NUP54: variants seen among roughly 807,000 people sequenced by gnomAD.
NUP54 encodes nucleoporin 54, also known as nucleoporin p54.
Under a neutral mutation model 66.4 loss-of-function variants are expected in NUP54, and 27 were observed. The observed-to-expected ratio is 0.41, with a 90% CI of 0.30 to 0.56. The LOEUF (loss-of-function observed/expected upper bound fraction) is 0.56, where lower values mean the gene tolerates loss of function less well. Ranked by LOEUF, NUP54 falls within the 20% of genes least tolerant of loss-of-function variation. NUP54 has a pLI of 0.34. For synonymous variants in NUP54, 206 were observed against 210.7 expected (o/e 0.98, Z 0.19); for missense variants, 486 against 596.3 (o/e 0.82, Z 1.93).
chr4:76,144,322 T>TA (rs1731392281), intron 2 of NUP54, 30 bp from the exon 3 acceptor site: 1 of 1,535,552 alleles, frequency 6.5e-7, no homozygotes, highest in Admixed American at 2.2e-5. Flanking sequence ...ACTTCGTAAG[T>TA]TAAAAAAAAA....
At chr4:76,118,031 C>T in intron 10 of NUP54, 44 bp downstream of exon 10, 1 of 1,594,944 alleles carries the variant, frequency 6.3e-7, no homozygotes, top group African/African-American at 1.3e-5. Flanking sequence ...GTCTGCAGAT[C>T]CACCTGAAAC....
chr4:76,147,817 A>T (rs1429558051), intron 1 of NUP54: 1 of 374,196 alleles, frequency 2.7e-6, no homozygotes, highest in East Asian at 7.3e-5. Flanking sequence ...AGATGGAAGA[A>T]GCATGACGGA....
chr4:76,118,342 C>A, intron 9 of NUP54, 148 bp from the exon 10 acceptor site: 1 of 690,834 alleles, frequency 1.4e-6, no homozygotes, highest in East Asian at 2.7e-5. Context: ...ATGTTTCTGT[C>A]CATTTTAACT....
At chr4:76,123,922 G>A (rs1730348091) in intron 9 of NUP54, among the ~76,000 whole-genome samples, 1 of 152,200 alleles carries the variant, frequency 6.6e-6, no homozygotes, top group Non-Finnish European at 1.5e-5. Context: ...CTGATGAGAT[G>A]CTTAGTAATT....
At chr4:76,127,305 GCCTGTAGT>G (rs1430338615) in intron 8 of NUP54, among the ~76,000 whole-genome samples, 1 of 151,688 alleles carries the variant, frequency 6.6e-6, no homozygotes, top group Non-Finnish European at 1.5e-5. Context: ...GGTGGTGGGC[GCCTGTAGT>G]CCTAGCTACT....
chr4:76,122,310 G>A (rs1418420868), intron 9 of NUP54, among the ~76,000 whole-genome samples: 1 of 152,090 alleles, frequency 6.6e-6, no homozygotes, highest in Non-Finnish European at 1.5e-5. Flanking sequence ...CAATTCACCT[G>A]TTTTAGGTGT....
intron 9 of NUP54, 48 bp downstream of exon 9, chr4:76,124,601 C>T: frequency 6.9e-6 from 5 of 724,220 alleles, no homozygotes; most frequent in East Asian, 2.8e-5. Flanking sequence ...TACATTATTT[C>T]ACACACATAG....
chr4:76,118,935 G>A (rs1185164827), intron 9 of NUP54, among the ~76,000 whole-genome samples: 1 of 152,004 alleles, frequency 6.6e-6, no homozygotes, highest in African/African-American at 2.4e-5. Flanking sequence ...AAACCCGGGA[G>A]GCAGAGCTTG....
intron 10 of NUP54, 90 bp from the exon 11 acceptor site, chr4:76,117,864 C>G (rs1049448626): frequency 6.9e-6 from 8 of 1,164,440 alleles, no homozygotes; most frequent in South Asian, 2.7e-5. Context: ...TCAAAACCAT[C>G]TATTAAAAAT....
At position 76,116,125 on chromosome 4, in the gene NUP54, A is replaced by T. The variant is rs1204584068; in HGVS notation, c.1396-631T>A. ...AATCCCAAAACAATACACTGCTCAT[A>T]ATTTTAAAAAAGACAGGTGTTTAAA... On this transcript the variant is annotated intron_variant, in intron 11 of 11. Coordinates refer to ENST00000264883, the MANE Select transcript of NUP54 (RefSeq NM_017426.4). 9.2e-5 allele frequency among the ~76,000 whole-genome samples: 14 copies of T among 152,296 alleles called. No homozygotes were observed. In the East Asian group the frequency reaches 1.7e-3, roughly 19 times the overall value.
intron 3 of NUP54, among the ~76,000 whole-genome samples, chr4:76,142,468 A>G (rs1343940811): frequency 6.6e-6 from 1 of 152,222 alleles, no homozygotes; most frequent in African/African-American, 2.4e-5. Context: ...GAGGCATCAG[A>G]TTGGAAAAGT....
chr4:76,116,375 TTATC>T (rs1729951672), intron 11 of NUP54, among the ~76,000 whole-genome samples: 2 of 152,312 alleles, frequency 1.3e-5, no homozygotes, highest in Admixed American at 6.5e-5. Flanking sequence ...TTTATAATCT[TTATC>T]TAAAATCCTC....
intron 9 of NUP54, among the ~76,000 whole-genome samples, chr4:76,118,783 T>C (rs892303824): frequency 3.3e-5 from 5 of 151,628 alleles, no homozygotes; most frequent in African/African-American, 1.2e-4. Context: ...GGCGGGTGGA[T>C]CAAGAGGTCA....
intron 8 of NUP54, among the ~76,000 whole-genome samples, chr4:76,125,645 AGG>A (rs1560678770): frequency 1.4e-4 from 3 of 20,698 alleles, no homozygotes; most frequent in African/African-American, 5.3e-4. Context: ...AGAGGGGGAG[AGG>A]GGGAGAGGGA....
rs1400836631 is a variant in NUP54 at position 76,144,288 on chromosome 4, G to A, written c.156C>T (p.Leu52=). The A allele has an allele frequency of 6.2e-7, 1 of 1,604,230 alleles. No homozygotes were observed. ...SAPTNTGTTG[L]FGGTQNKGFG... Reference sequence around the variant, plus strand: ...AACCTTTGTTCTGAGTACCACCAAAGAGTCCTTTGAATGAAAAATTGGAAC... The same window carrying A: ...AACCTTTGTTCTGAGTACCACCAAAAAGTCCTTTGAATGAAAAATTGGAAC... The change falls in exon 3 of 12, where the codon CTC becomes CTT. Residue 52 remains leucine, a synonymous_variant. Coordinates refer to ENST00000264883, the MANE Select transcript of NUP54 (RefSeq NM_017426.4).
intron 4 of NUP54, among the ~76,000 whole-genome samples, 186 bp from the exon 5 acceptor site, chr4:76,134,548 T>C (rs1207629700): frequency 6.6e-6 from 1 of 152,068 alleles, no homozygotes; most frequent in Non-Finnish European, 1.5e-5. Flanking sequence ...AAAACTATTT[T>C]ACCCAGGAAT....
In NUP54 at chr4:76,118,198, T is replaced by G; in HGVS notation, c.1165-4A>C. ...GAATTTCCTGTTTGATTAGGACCTA[T>G]ACAAATAAAAACCACCAATAACAAC... On this transcript the variant is annotated splice_region_variant and splice_polypyrimidine_tract_variant and intron_variant, in intron 9 of 11. Transcript: ENST00000264883. 6.2e-7 allele frequency: 1 copy of G among 1,612,334 alleles called. No individual in the cohort carries two copies. Among genetic ancestry groups the G allele is most frequent in the Non-Finnish European group, 8.5e-7 (1 of 1,178,836 alleles).
intron 11 of NUP54, among the ~76,000 whole-genome samples, chr4:76,115,780 C>T (rs1246487605): frequency 6.6e-6 from 1 of 152,112 alleles, no homozygotes; most frequent in African/African-American, 2.4e-5. Context: ...TTGATAAAGG[C>T]ATGATAATAA....
intron 9 of NUP54, among the ~76,000 whole-genome samples, chr4:76,119,209 A>G (rs941683862): frequency 2.0e-5 from 3 of 152,222 alleles, no homozygotes; most frequent in African/African-American, 4.8e-5. Context: ...AAGAAACAAT[A>G]CGAGAATGTA....
Sources: gnomAD v4.1 joint callset for allele counts (sites outside exome capture counted in the v4.1 genomes callset) on GRCh38, gnomAD v4.1.1 for gene constraint, MANE v1.5 for transcripts, NCBI Gene and HGNC (gene_info 2026-07-23, HGNC 2026-07-21) for gene names.